Variants in EXTL3 observed in about 807,000 individuals in gnomAD.
EXTL3 encodes the protein exostosin like glycosyltransferase 3.
In EXTL3, 27 loss-of-function variants were observed where a neutral mutation model predicts 69.3. That is an observed-to-expected ratio of 0.39 (90% CI 0.29 to 0.54). The LOEUF is 0.54. EXTL3 is among the 20% of genes least tolerant of loss of function. The pLI, the probability that EXTL3 is intolerant of heterozygous loss-of-function variation, is 0.69. For missense variants in EXTL3, 1,003 were observed against 1,231.8 expected, an observed-to-expected ratio of 0.81 and a Z score of 2.78; for synonymous variants, 511 against 499.4, an observed-to-expected ratio of 1.02 and a Z score of -0.31.
At chr8:28,720,276 G>A (rs1021217718) in intron 3 of EXTL3, among the ~76,000 whole-genome samples, 16 of 152,262 alleles carry the variant, frequency 1.1e-4, no homozygotes, top group Non-Finnish European at 1.5e-4. Flanking sequence ...AGATGTAGAC[G>A]TAGCCAATTC....
intron 3 of EXTL3, among the ~76,000 whole-genome samples, chr8:28,723,638 C>CAG (rs1563218026): frequency 8.0e-6 from 1 of 124,728 alleles, no homozygotes; most frequent in African/African-American, 3.0e-5. Flanking sequence ...GGGCTCAGGA[C>CAG]TGTTTTTTTT....
intron 1 of EXTL3, among the ~76,000 whole-genome samples, chr8:28,673,275 C>G (rs772360111): frequency 2.2e-4 from 34 of 152,208 alleles, no homozygotes; most frequent in Admixed American, 8.5e-4. Context: ...GTCAACTTGA[C>G]TAGCCATGGG....
At chr8:28,674,962 C>G (rs1807355791) in intron 1 of EXTL3, among the ~76,000 whole-genome samples, 1 of 152,214 alleles carries the variant, frequency 6.6e-6, no homozygotes, top group South Asian at 2.1e-4. Flanking sequence ...CACCCCACCA[C>G]TCCTCTTTGT....
intron 1 of EXTL3, among the ~76,000 whole-genome samples, chr8:28,662,309 C>A (rs1265204669): frequency 1.3e-5 from 2 of 152,050 alleles, no homozygotes; most frequent in African/African-American, 4.8e-5. Context: ...TTGCTGGTCA[C>A]CCTATCATAC....
chr8:28,746,253 G>A (rs998464378), intron 6 of EXTL3, among the ~76,000 whole-genome samples: 3 of 152,194 alleles, frequency 2.0e-5, no homozygotes, highest in African/African-American at 7.2e-5. Context: ...AACGAATGGG[G>A]AGTTAATGTC....
chr8:28,639,836 C>T (rs989154244), intron 1 of EXTL3, among the ~76,000 whole-genome samples: 2 of 152,260 alleles, frequency 1.3e-5, no homozygotes, highest in Non-Finnish European at 2.9e-5. Flanking sequence ...GGCGCAGTGG[C>T]TCATGCCTGT....
In EXTL3 at chr8:28,723,664, CAG is replaced by C. The variant is rs1185616455; in HGVS notation, c.2148+5460_2148+5461del. On this transcript the variant is annotated intron_variant, in intron 3 of 6. Coordinates refer to ENST00000220562, the MANE Select transcript of EXTL3 (RefSeq NM_001440.4). ...TGTTTTTTTTTTTTTTTTTTTGAGA[CAG>C]AGTCTCACGCTGTTGCCCAGGCTGG... Among the ~76,000 whole-genome samples, 27 of 121,120 alleles carry C rather than the reference CAG, an allele frequency of 2.2e-4. 1 individual carries two copies. Among genetic ancestry groups the C allele is most frequent in the Non-Finnish European group, 5.0e-5 (3 of 59,962 alleles). 79.5% of individuals were successfully genotyped at this position (121,120 alleles called of 152,430 possible).
intron 1 of EXTL3, among the ~76,000 whole-genome samples, chr8:28,647,838 C>G (rs1346747927): frequency 6.6e-6 from 1 of 151,458 alleles, no homozygotes; most frequent in Non-Finnish European, 1.5e-5. Flanking sequence ...TTGAATCAAT[C>G]AGGAATTGCA....
intron 1 of EXTL3, among the ~76,000 whole-genome samples, chr8:28,702,954 G>A (rs1214160882): frequency 6.6e-6 from 1 of 152,214 alleles, no homozygotes; most frequent in East Asian, 1.9e-4. Flanking sequence ...TAACTGCGGG[G>A]CACAGAGTCT....
chr8:28,701,979 G>A (rs1379233204), intron 1 of EXTL3, among the ~76,000 whole-genome samples: 2 of 152,078 alleles, frequency 1.3e-5, no homozygotes, highest in South Asian at 4.1e-4. Flanking sequence ...GGCTGCTCGG[G>A]ACCCGCCTCC....
upstream of EXTL3, chr8:28,699,834 G>A (rs1800748440): frequency 6.7e-6 from 1 of 150,250 alleles, no homozygotes; most frequent in African/African-American, 2.4e-5. Context: ...AAGCAAGTAA[G>A]TCAAAGTTAA....
upstream of EXTL3, among the ~76,000 whole-genome samples, chr8:28,621,264 G>C (rs1271978943): frequency 6.6e-6 from 1 of 152,094 alleles, no homozygotes; most frequent in East Asian, 1.9e-4. Flanking sequence ...GGTAGGGTGG[G>C]CCCCAAATCT....
rs547076059 is a variant in EXTL3, at chr8:28,676,295, C to T, written c.-52-37162C>T. The stretch of plus-strand genomic sequence containing the variant: ...AAATATATGAGGGGTGCCCTGGCAT[C>T]CTTGAAGAGCTCTGTGATTGCTCTT... On this transcript the variant is annotated intron_variant, in intron 1 of 6. Transcript: ENST00000523149. Among the ~76,000 whole-genome samples the T allele has an allele frequency of 7.2e-5, 11 of 152,254 alleles. No homozygotes were observed. The South Asian group carries it at 2.3e-3, about 32-fold the overall frequency.
chr8:28,660,367 C>CA (rs748941796), intron 1 of EXTL3, among the ~76,000 whole-genome samples: 480 of 113,996 alleles, frequency 4.2e-3, no homozygotes, highest in African/African-American at 8.6e-3. Context: ...ACCTTGTCTC[C>CA]AAAAAAAAAA....
chr8:28,756,416 C>T (rs544877982), downstream of EXTL3, among the ~76,000 whole-genome samples: 1 of 152,216 alleles, frequency 6.6e-6, no homozygotes, highest in Non-Finnish European at 1.5e-5. Context: ...ATGCATCCAT[C>T]GTTGCTGAAT....
In EXTL3 at chr8:28,710,601, TTTTC is replaced by T. The variant is rs1266937691; in HGVS notation, c.-569-2844_-569-2841del. On this transcript the variant is annotated intron_variant, in intron 1 of 6. Transcript: ENST00000220562. ...TTCATGAGAGATTTTTTTTTTGTAG[TTTTC>T]TTTCTTTCTTTTTTTTTTTTTTTTT... is the stretch of plus-strand genomic sequence containing the variant. The T allele has an allele frequency of 2.1e-4, 78 of 374,712 alleles. No homozygotes were observed. In the East Asian group the frequency reaches 2.3e-3, roughly 11 times the overall value. 23.2% of individuals were successfully genotyped at this position (374,712 alleles called of 1,614,324 possible).
intron 1 of EXTL3, among the ~76,000 whole-genome samples, chr8:28,704,523 G>A (rs1369739103): frequency 6.6e-6 from 1 of 152,094 alleles, no homozygotes; most frequent in Non-Finnish European, 1.5e-5. Flanking sequence ...CTTTTGGACT[G>A]GTCAATAATA....
chr8:28,738,367 A>G (rs889772334), intron 5 of EXTL3, among the ~76,000 whole-genome samples: 8 of 152,196 alleles, frequency 5.3e-5, no homozygotes, highest in African/African-American at 1.9e-4. Context: ...ACTTGTAACA[A>G]AGGGTGTCAG....
chr8:28,610,551 A>G (rs923904161), intron 2 of EXTL3, among the ~76,000 whole-genome samples: 1 of 152,150 alleles, frequency 6.6e-6, no homozygotes, highest in Non-Finnish European at 1.5e-5. Flanking sequence ...TCCAGGAACC[A>G]AAACAAAGAA....
Sources: allele counts gnomAD v4.1 joint callset (sites outside exome capture counted in the v4.1 genomes callset), GRCh38; gene constraint gnomAD v4.1.1; transcripts MANE v1.5; gene names NCBI Gene and HGNC (gene_info 2026-07-23, HGNC 2026-07-21).